Variants in MARK3 observed in about 807,000 individuals in gnomAD.
The protein encoded by MARK3 is microtubule affinity regulating kinase 3, also known as MAP/microtubule affinity-regulating kinase 3.
In MARK3, 46 loss-of-function variants were observed where a neutral mutation model predicts 90.1. The ratio of observed to expected loss-of-function variants is 0.51; its 90% confidence interval spans 0.40 to 0.65. The LOEUF (loss-of-function observed/expected upper bound fraction) is 0.65. Ranked by LOEUF, MARK3 falls within the 30% of genes least tolerant of loss-of-function variation. The pLI is 0.00. For missense variants in MARK3, 818 were observed against 947.2 expected (o/e 0.86, Z 1.79); for synonymous variants, 321 against 332.6 (o/e 0.97, Z 0.38).
chr14:103,471,214 A>G (rs910520286), intron 12 of MARK3, among the ~76,000 whole-genome samples: 1 of 152,200 alleles, frequency 6.6e-6, no homozygotes, highest in Admixed American at 6.5e-5. Flanking sequence ...AAACCTGACA[A>G]TGGGATTTTC....
At chr14:103,394,470 C>G (rs1015524004) in intron 1 of MARK3, among the ~76,000 whole-genome samples, 2 of 152,130 alleles carry the variant, frequency 1.3e-5, no homozygotes, top group Non-Finnish European at 2.9e-5. Context: ...TTGTCTTCAG[C>G]CGAGAGTTCG....
intron 5 of MARK3, among the ~76,000 whole-genome samples, chr14:103,453,856 G>A (rs986441129): frequency 6.6e-6 from 1 of 152,230 alleles, no homozygotes; most frequent in African/African-American, 2.4e-5. Flanking sequence ...TTACCCATGA[G>A]GAAATGGAGG....
chr14:103,460,073 C>CTTTTTTTTTTTTGTTTTTTTT (rs2093365310), intron 6 of MARK3, among the ~76,000 whole-genome samples: 1 of 41,704 alleles, frequency 2.4e-5, no homozygotes, highest in Non-Finnish European at 3.9e-5. Context: ...CCAGCTCCAT[C>CTTTTTTTTTTTTGTTTTTTTT]TTTTTTTTTT....
intron 4 of MARK3, among the ~76,000 whole-genome samples, chr14:103,449,585 T>G (rs2093081900): frequency 6.6e-6 from 1 of 152,196 alleles, no homozygotes; most frequent in Non-Finnish European, 1.5e-5. Context: ...ATCAAAGATT[T>G]GTTTTCTGTG....
intron 2 of MARK3, among the ~76,000 whole-genome samples, chr14:103,416,559 T>C (rs1326994050): frequency 1.3e-5 from 2 of 152,156 alleles, no homozygotes; most frequent in Admixed American, 6.5e-5. Flanking sequence ...TCACCTGATA[T>C]CAGGAGTTCG....
chr14:103,391,616 T>G (rs1277512132), intron 1 of MARK3, among the ~76,000 whole-genome samples: 1 of 151,146 alleles, frequency 6.6e-6, no homozygotes, highest in East Asian at 1.9e-4. Context: ...CAATCTCGGC[T>G]CACTGCCAAC....
At chr14:103,464,248 G>A (rs1426744733) in intron 7 of MARK3, among the ~76,000 whole-genome samples, 1 of 149,094 alleles carries the variant, frequency 6.7e-6, no homozygotes, top group Non-Finnish European at 1.5e-5. Flanking sequence ...CTGTGGAGTA[G>A]CCACATAGGA....
At chr14:103,412,483 ATTCTTGAG>A (rs2091702723) in intron 2 of MARK3, 1 of 511,392 alleles carries the variant, frequency 2.0e-6, no homozygotes, top group African/African-American at 2.0e-5. Context: ...CCAGATTCTT[ATTCTTGAG>A]TTTTTTTGGC....
At chr14:103,398,439 C>T (rs980076426) in intron 1 of MARK3, among the ~76,000 whole-genome samples, 2 of 152,134 alleles carry the variant, frequency 1.3e-5, no homozygotes, top group African/African-American at 4.8e-5. Context: ...TTATACATTC[C>T]TTGGCTTTGG....
chr14:103,420,836 C>G (rs1338624587), intron 2 of MARK3, among the ~76,000 whole-genome samples: 1 of 152,088 alleles, frequency 6.6e-6, no homozygotes, highest in Non-Finnish European at 1.5e-5. Context: ...CAAGGGGACA[C>G]TTTGCTTTCT....
intron 1 of MARK3, among the ~76,000 whole-genome samples, chr14:103,388,220 C>A (rs2140424163): frequency 6.6e-6 from 1 of 152,388 alleles, no homozygotes. Flanking sequence ...CGTGAGCCAC[C>A]ACGCCCAGCC....
At chr14:103,422,686 T>C (rs974186267) in intron 2 of MARK3, among the ~76,000 whole-genome samples, 1 of 152,162 alleles carries the variant, frequency 6.6e-6, no homozygotes, top group South Asian at 2.1e-4. Context: ...TTTTGTCTGT[T>C]TGTTGTTTTA....
intron 16 of MARK3, 60 bp from the exon 17 acceptor site, chr14:103,500,096 G>A (rs1457205672): frequency 7.6e-7 from 1 of 1,313,598 alleles, no homozygotes. Flanking sequence ...TCATGTACTG[G>A]CATGTAAGAT....
chr14:103,444,268 C>T (rs2092937067), intron 3 of MARK3, among the ~76,000 whole-genome samples: 1 of 152,004 alleles, frequency 6.6e-6, no homozygotes, highest in South Asian at 2.1e-4. Context: ...TCCCCATTGC[C>T]AGGATTCCAA....
At chr14:103,411,198 C>T (rs1261625617) in intron 2 of MARK3, among the ~76,000 whole-genome samples, 2 of 152,222 alleles carry the variant, frequency 1.3e-5, no homozygotes, top group East Asian at 1.9e-4. Flanking sequence ...GGCATGAACC[C>T]GGGAGACGGA....
chr14:103,404,897 C>T (rs1458818035), intron 1 of MARK3, among the ~76,000 whole-genome samples, 179 bp from the exon 2 acceptor site: 3 of 152,286 alleles, frequency 2.0e-5, no homozygotes, highest in African/African-American at 4.8e-5. Context: ...TCGTATTTTT[C>T]GTCTCAGAAT....
intron 12 of MARK3, among the ~76,000 whole-genome samples, chr14:103,468,789 CTTTTTT>C (rs372468049): frequency 1.4e-5 from 2 of 138,668 alleles, no homozygotes; most frequent in Admixed American, 7.3e-5. Flanking sequence ...TGTAGTTTTC[CTTTTTT>C]TTTTTTTTTT....
At chr14:103,471,998 C>T (rs536616542) in intron 12 of MARK3, among the ~76,000 whole-genome samples, 78 of 152,098 alleles carry the variant, frequency 5.1e-4, no homozygotes, top group African/African-American at 1.8e-3. Flanking sequence ...ATCACGAGGT[C>T]AGGAGATCGA....
At chr14:103,481,757 C>CTTTTTTTTTTTTTTTTTTTTTTTTTTTTT (rs71126030) in intron 14 of MARK3, among the ~76,000 whole-genome samples, 1 of 49,802 alleles carries the variant, frequency 2.0e-5, no homozygotes, top group African/African-American at 8.7e-5. Context: ...ATAGGTATTT[C>CTTTTTTTTTTTTTTTTTTTTTTTTTTTTT]TTTTTTTTTT....
Sources: gnomAD v4.1 joint callset for allele counts (sites outside exome capture counted in the v4.1 genomes callset) on GRCh38, gnomAD v4.1.1 for gene constraint, MANE v1.5 for transcripts, NCBI Gene and HGNC (gene_info 2026-07-23, HGNC 2026-07-21) for gene names.